The following DGKB variants were observed in gnomAD, a reference collection of about 807,000 sequenced individuals.
DGKB encodes the protein diacylglycerol kinase beta.
In DGKB, 67 loss-of-function variants were observed where a neutral mutation model predicts 114.3. The observed-to-expected ratio is 0.59, with a 90% CI of 0.48 to 0.72. DGKB has a LOEUF of 0.72. DGKB is among the 30% of genes least tolerant of loss of function. DGKB has a pLI of 0.00. For synonymous variants in DGKB, 398 were observed against 323.1 expected, an observed-to-expected ratio of 1.23 and a Z score of -2.49; for missense variants, 907 against 975.2, an observed-to-expected ratio of 0.93 and a Z score of 0.93.
intron 19 of DGKB, among the ~76,000 whole-genome samples, chr7:14,575,743 T>A (rs924378207): frequency 1.3e-5 from 2 of 152,178 alleles, no homozygotes; most frequent in African/African-American, 4.8e-5. Flanking sequence ...TTATTTTGAG[T>A]CGGAACAACA....
intron 1 of DGKB, among the ~76,000 whole-genome samples, chr7:14,877,483 A>C (rs1853484285): frequency 6.6e-6 from 1 of 152,206 alleles, no homozygotes; most frequent in Admixed American, 6.5e-5. Flanking sequence ...TGAACCCAGG[A>C]GGCAGAGGTT....
intron 25 of DGKB, among the ~76,000 whole-genome samples, chr7:14,152,153 TG>T (rs1266922715): frequency 6.6e-6 from 1 of 152,074 alleles, no homozygotes; most frequent in African/African-American, 2.4e-5. Flanking sequence ...GAAATAACAA[TG>T]AGTAAAAATT....
chr7:14,775,722 C>A (rs1024556222), intron 2 of DGKB, among the ~76,000 whole-genome samples: 3 of 151,976 alleles, frequency 2.0e-5, no homozygotes, highest in Non-Finnish European at 4.4e-5. Flanking sequence ...TGTAAGTTTC[C>A]TGAGGCCTCC....
chr7:14,399,975 G>A (rs1282450791), intron 21 of DGKB, among the ~76,000 whole-genome samples: 2 of 151,788 alleles, frequency 1.3e-5, no homozygotes, highest in East Asian at 1.9e-4. Flanking sequence ...CATAAATTTT[G>A]ACGATAAGAA....
chr7:14,544,129 T>C (rs1470980700), intron 20 of DGKB, among the ~76,000 whole-genome samples: 2 of 152,220 alleles, frequency 1.3e-5, no homozygotes, highest in African/African-American at 4.8e-5. Flanking sequence ...TCATTTGATA[T>C]GCAAAAATTG....
intron 23 of DGKB, among the ~76,000 whole-genome samples, chr7:14,243,423 T>C (rs1398999400): frequency 6.6e-6 from 1 of 152,178 alleles, no homozygotes; most frequent in African/African-American, 2.4e-5. Flanking sequence ...CATTAAAAAA[T>C]TCCTAGAACC....
intron 1 of DGKB, among the ~76,000 whole-genome samples, chr7:14,891,828 T>C (rs923221284): frequency 2.6e-5 from 4 of 151,060 alleles, no homozygotes. Context: ...CTGTGGACAG[T>C]GAAAAGAAAA....
chr7:14,754,589 T>C (rs56127930), intron 3 of DGKB, among the ~76,000 whole-genome samples: 54,022 of 151,742 alleles, frequency 0.36, 13,299 homozygotes, highest in African/African-American at 0.69. Context: ...AAAAAAAAAA[T>C]GTGTGGAATG....
At chr7:14,557,072 C>T (rs897658575) in intron 20 of DGKB, among the ~76,000 whole-genome samples, 2 of 152,104 alleles carry the variant, frequency 1.3e-5, no homozygotes, top group Admixed American at 6.6e-5. Context: ...TGCAAATTCT[C>T]AGCCCCCGTC....
chr7:14,771,745 G>C (rs1048953685), intron 2 of DGKB, among the ~76,000 whole-genome samples: 1 of 152,048 alleles, frequency 6.6e-6, no homozygotes, highest in East Asian at 1.9e-4. Flanking sequence ...GCCCTGCAAA[G>C]TCTCTTTTGG....
In DGKB at chr7:14,630,221, T is replaced by C. The variant is rs1296077608; in HGVS notation, c.1167+15A>G. On this transcript the variant is annotated intron_variant, in intron 14 of 25. Coordinates refer to ENST00000402815, the MANE Select transcript of DGKB (RefSeq NM_001350709.2). Reference sequence around the variant, plus strand: ...CTATAATTTTAAGTGTGAAAACCTGTTTTTGCTTACGCACCTCAGGAACTG... The same window carrying C: ...CTATAATTTTAAGTGTGAAAACCTGCTTTTGCTTACGCACCTCAGGAACTG... The C allele has an allele frequency of 3.2e-6, 5 of 1,539,734 alleles. No homozygotes were observed. The South Asian group carries it at 4.9e-5, about 15-fold the overall frequency.
In DGKB at chr7:14,757,694, G is replaced by C; in HGVS notation, c.108C>G (p.Phe36Leu). Residue 36 changes from phenylalanine (F) to leucine (L), a missense_variant, in exon 3 of 26, where the codon TTC (phenylalanine) becomes TTG (leucine). Transcript: ENST00000402815. ...ACTTTGCAAGCACACCATTACCATG[G>C]AATTCTTCAAGAACATCCTTTAATT... ...TKKLKDVLEE[F>L]HGNGVLAKYN... The C allele has an allele frequency of 6.2e-7, 1 of 1,605,736 alleles. No individual in the cohort carries two copies. Among genetic ancestry groups the C allele is most frequent in the Non-Finnish European group, 8.5e-7 (1 of 1,174,416 alleles).
chr7:14,471,829 C>A (rs4721338), intron 21 of DGKB, among the ~76,000 whole-genome samples: 60,998 of 151,744 alleles, frequency 0.4, 12,539 homozygotes, highest in Admixed American at 0.5. Flanking sequence ...AAATAACTTA[C>A]AGAATAAATA....
Position 14,682,772 on chromosome 7 carries a change from T to C in DGKB, c.899A>G (p.Lys300Arg). 1 of 1,611,786 alleles carries C rather than the reference T, an allele frequency of 6.2e-7. No homozygotes were observed. Among genetic ancestry groups the C allele is most frequent in the African/African-American group, 1.3e-5 (1 of 75,000 alleles). ...APPSCIKTYV[K>R]SKRNTDVMHH... ...ACTTACATCAGTGTTCCTTTTGGAC[T>C]TCACATAGGTCTTGATGCAAGAGGG... Residue 300 changes from lysine to arginine, a missense_variant, in exon 11 of 26, where the codon AAG (lysine) becomes AGG (arginine). By Grantham distance (26) the Lys-to-Arg change is conservative. Transcript: ENST00000402815.
Position 14,489,998 on chromosome 7 carries a change from G to T in DGKB, c.1771-11773C>A, listed in dbSNP as rs186163844. Among the ~76,000 whole-genome samples, 36 of 152,260 alleles carry T rather than the reference G, an allele frequency of 2.4e-4. 1 individual carries two copies. The highest frequency in any genetic ancestry group is 1.2e-3 in the East Asian group (6 of 5,180). The stretch of plus-strand genomic sequence containing the variant: ...TAACTTTCACGGCAAAAGTCTGAAA[G>T]TAAGGTTCTCTATAACATTCATTAA... On this transcript the variant is annotated intron_variant, in intron 20 of 25. Transcript: ENST00000402815.
At chr7:14,789,523 T>G (rs566570498) in intron 2 of DGKB, among the ~76,000 whole-genome samples, 13 of 152,290 alleles carry the variant, frequency 8.5e-5, no homozygotes, top group African/African-American at 1.2e-4. Flanking sequence ...TTTTCAGTTT[T>G]GGGCTATTAT....
intron 25 of DGKB, among the ~76,000 whole-genome samples, chr7:14,158,792 G>T (rs188201266): frequency 1.6e-3 from 240 of 152,180 alleles, no homozygotes; most frequent in African/African-American, 5.4e-3. Flanking sequence ...CTGTTTCAAG[G>T]TATTGTTTCA....
chr7:14,729,420 C>T (rs929771739), intron 5 of DGKB, among the ~76,000 whole-genome samples: 2 of 152,190 alleles, frequency 1.3e-5, no homozygotes, highest in African/African-American at 4.8e-5. Flanking sequence ...TCATTTTGCT[C>T]ACTGATGTAT....
At chr7:14,461,206 C>G (rs1002086146) in intron 21 of DGKB, among the ~76,000 whole-genome samples, 1 of 151,894 alleles carries the variant, frequency 6.6e-6, no homozygotes, top group African/African-American at 2.4e-5. Context: ...GCAGCAAGAG[C>G]AAACACATTC....
Sources: allele counts gnomAD v4.1 joint callset (sites outside exome capture counted in the v4.1 genomes callset), GRCh38; gene constraint gnomAD v4.1.1; transcripts MANE v1.5; gene names NCBI Gene and HGNC (gene_info 2026-07-23, HGNC 2026-07-21).